WDR33: variants seen among roughly 807,000 people sequenced by gnomAD.
WDR33 encodes WD repeat domain 33.
Under a neutral mutation model 164.9 loss-of-function variants are expected in WDR33, and 47 were observed. That is an observed-to-expected ratio of 0.29 (90% CI 0.23 to 0.36). The LOEUF is 0.36. Ranked by LOEUF, WDR33 falls within the 10% of genes least tolerant of loss-of-function variation. WDR33 has a pLI of 1.00. For synonymous variants in WDR33, 505 were observed against 589.0 expected (o/e 0.86, Z 2.06); for missense variants, 1,137 against 1,754.1 (o/e 0.65, Z 6.28).
chr2:127,784,796 C>T (rs1688503887), intron 1 of WDR33, among the ~76,000 whole-genome samples: 1 of 152,168 alleles, frequency 6.6e-6, no homozygotes, highest in South Asian at 2.1e-4. Context: ...ATGCACTGAC[C>T]ATCTGGAAAA....
chr2:127,782,406 T>G (rs1688405110), intron 1 of WDR33, among the ~76,000 whole-genome samples: 1 of 152,056 alleles, frequency 6.6e-6, no homozygotes, highest in Non-Finnish European at 1.5e-5. Context: ...AATTTGCAGA[T>G]CAATTTTGAG....
rs763483141 is a variant in WDR33 at position 127,721,698 on chromosome 2, T to C, written c.1671+138A>G. ...AGGATTCTTTTGGAAACTAGTCTTC[T>C]AGCATAGCAACAGGAAATGGCGGTG... On this transcript the variant is annotated intron_variant, in intron 15 of 21. Coordinates refer to ENST00000322313, the MANE Select transcript of WDR33 (RefSeq NM_018383.5). The surrounding 1 kb of genome is among the most constrained non-coding windows in gnomAD (Gnocchi z 4.9). 282 of 874,984 alleles carry C rather than the reference T, an allele frequency of 3.2e-4. 1 individual carries two copies. The Middle Eastern group carries it at 0.011, about 36-fold the overall frequency. The allele number at this position is 874,984 out of a possible 1,614,324, so 54.2% of individuals were successfully genotyped here.
At chr2:127,779,307 C>A (rs10201641) in intron 1 of WDR33, among the ~76,000 whole-genome samples, 3,222 of 151,824 alleles carry the variant, frequency 0.021, 123 homozygotes, top group African/African-American at 0.075. Context: ...ATCTCTACTA[C>A]ATACAAAAAT....
rs184310527 is a variant in WDR33 at position 127,720,631 on chromosome 2, C to T, written c.1672-278G>A. Among the ~76,000 whole-genome samples, 13 of 151,748 alleles carry T rather than the reference C, an allele frequency of 8.6e-5. No individual in the cohort carries two copies. The highest frequency in any genetic ancestry group is 2.7e-4 in the African/African-American group (11 of 41,306). On this transcript the variant is annotated intron_variant, in intron 15 of 21. Transcript: ENST00000322313. This position sits in a 1 kb window ranked among gnomAD's most constrained non-coding sequence, Gnocchi z 5.9. ...CCAAGCTGGAATGCAGTGGTACGAT[C>T]GTGGTTCACTACAGCCTCACCCTCC... is the stretch of plus-strand genomic sequence containing the variant.
At position 127,701,943 on chromosome 2, in the gene WDR33, G is replaced by A. The variant is rs546376182; in HGVS notation, c.*4380C>T. ...GGCGTGCGGACGCCTGCTGCGCTGC[G>A]AAGAAGCGCCGTCCCGGCCCGCGCT... is the stretch of plus-strand genomic sequence containing the variant. On this transcript the variant is annotated 3_prime_UTR_variant, in exon 22 of 22. Coordinates refer to ENST00000322313, the MANE Select transcript of WDR33 (RefSeq NM_018383.5). The A allele has an allele frequency of 1.1e-4, 151 of 1,416,598 alleles. 1 individual carries two copies. The highest frequency in any genetic ancestry group is 1.2e-4 in the Non-Finnish European group (134 of 1,092,456). 87.8% of individuals were successfully genotyped at this position (1,416,598 alleles called of 1,614,324 possible).
intron 7 of WDR33, among the ~76,000 whole-genome samples, chr2:127,746,439 T>C (rs574732807): frequency 6.6e-6 from 1 of 152,364 alleles, no homozygotes; most frequent in South Asian, 2.1e-4. Flanking sequence ...TTATTTTCTT[T>C]ACTCCTATCT....
chr2:127,748,884 T>TAAAAAAAAAAAAAAA (rs59425653), intron 7 of WDR33, among the ~76,000 whole-genome samples: 1 of 105,024 alleles, frequency 9.5e-6, no homozygotes, highest in South Asian at 2.9e-4. Context: ...AGCTGAAACT[T>TAAAAAAAAAAAAAAA]AAAAAAAAAA....
rs1009951048 is a variant in WDR33, at chr2:127,741,647, G to C, written c.725-14870C>G. ...ATACAAACCACCATTCAAATCTCTG[G>C]ACAACCAAGGGTCACTGCGTTATTT... is the stretch of plus-strand genomic sequence containing the variant. On this transcript the variant is annotated intron_variant, in intron 7 of 21. Coordinates refer to ENST00000322313, the MANE Select transcript of WDR33 (RefSeq NM_018383.5). The surrounding 1 kb of genome is among the most constrained non-coding windows in gnomAD (Gnocchi z 4.1). Among the ~76,000 whole-genome samples the C allele has an allele frequency of 1.3e-5, 2 of 152,092 alleles. No individual in the cohort carries two copies. The highest frequency in any genetic ancestry group is 2.9e-5 in the Non-Finnish European group (2 of 68,020).
chr2:127,784,043 T>C (rs750094547), intron 1 of WDR33, among the ~76,000 whole-genome samples: 4 of 152,308 alleles, frequency 2.6e-5, no homozygotes, highest in African/African-American at 4.8e-5. Flanking sequence ...GATAAACTCA[T>C]TACCTTTCCT....
Position 127,738,217 on chromosome 2 carries a change from C to T in WDR33, c.725-11440G>A, listed in dbSNP as rs1047846750. ...GCTCCAACTGGATCTTAACAAACAT[C>T]TCCATTTCTGTTTCAAAGAAAAATG... On this transcript the variant is annotated intron_variant, in intron 7 of 21. Coordinates refer to ENST00000322313, the MANE Select transcript of WDR33 (RefSeq NM_018383.5). The surrounding 1 kb of genome is among the most constrained non-coding windows in gnomAD (Gnocchi z 4.4). Among the ~76,000 whole-genome samples the T allele has an allele frequency of 2.6e-5, 4 of 152,176 alleles. No individual in the cohort carries two copies. Among genetic ancestry groups the T allele is most frequent in the African/African-American group, 7.2e-5 (3 of 41,436 alleles).
rs929724719 is a variant in WDR33 at position 127,765,261 on chromosome 2, T to C, written c.387A>G (p.Pro129=). The part of the protein sequence containing the change: ...KCPVFVVRWT[P]EGRRLVTGAS... ...CTCCAGTGACCAAGCGTCTTCCTTC[T>C]GGAGTCCACTAAGGGAGAAAAAAAG... Residue 129 remains proline, a synonymous_variant, in exon 5 of 22, where the codon CCA becomes CCG. Transcript: ENST00000322313. 1.9e-6 allele frequency: 3 copies of C among 1,613,820 alleles called. No individual in the cohort carries two copies. Among genetic ancestry groups the C allele is most frequent in the Non-Finnish European group, 2.5e-6 (3 of 1,179,910 alleles).
At chr2:127,744,482 G>A (rs1292154958) in intron 7 of WDR33, among the ~76,000 whole-genome samples, 1 of 152,058 alleles carries the variant, frequency 6.6e-6, no homozygotes, top group African/African-American at 2.4e-5. Context: ...AAGAATATAC[G>A]TAGTATAATC....
At chr2:127,754,270 C>T (rs1292173746) in intron 7 of WDR33, among the ~76,000 whole-genome samples, 2 of 152,168 alleles carry the variant, frequency 1.3e-5, no homozygotes, top group African/African-American at 4.8e-5. Context: ...TGCCCTGAAA[C>T]ATAAAACTAA....
Position 127,801,611 on chromosome 2 carries a change from T to G in WDR33, c.-24+9401A>C, listed in dbSNP as rs1689247181. On this transcript the variant is annotated intron_variant, in intron 1 of 21. Coordinates refer to ENST00000322313, the MANE Select transcript of WDR33 (RefSeq NM_018383.5). ...AAACAGAATTACATTATGAGCCAGG[T>G]GCAGTGGTTCATGCCTATCTCAGGA... is the stretch of plus-strand genomic sequence containing the variant. Among the ~76,000 whole-genome samples the G allele has an allele frequency of 2.0e-5, 3 of 151,536 alleles. No homozygotes were observed. In the South Asian group the frequency reaches 6.2e-4, roughly 31 times the overall value.
In WDR33 at chr2:127,706,710, C is replaced by T. The variant is rs1317578639; in HGVS notation, c.3782-158G>A. 2.0e-5 allele frequency among the ~76,000 whole-genome samples: 3 copies of T among 152,214 alleles called. No homozygotes were observed. Among genetic ancestry groups the T allele is most frequent in the Admixed American group, 2.0e-4 (3 of 15,284 alleles). ...CAGCGTACTGAGAGGTGTGCCTCTA[C>T]CCTTTCCTGACCCTGCCTCCCCCTT... On this transcript the variant is annotated intron_variant, in intron 21 of 21. Coordinates refer to ENST00000322313, the MANE Select transcript of WDR33 (RefSeq NM_018383.5). The surrounding 1 kb of genome is among the most constrained non-coding windows in gnomAD (Gnocchi z 5.1).
At chr2:127,799,255 A>T (rs1689152228) in intron 1 of WDR33, among the ~76,000 whole-genome samples, 1 of 152,184 alleles carries the variant, frequency 6.6e-6, no homozygotes, top group Non-Finnish European at 1.5e-5. Context: ...GGACATAATC[A>T]AAATTGGAAA....
At chr2:127,796,154 C>T (rs1423560323) in intron 1 of WDR33, among the ~76,000 whole-genome samples, 3 of 151,006 alleles carry the variant, frequency 2.0e-5, no homozygotes, top group African/African-American at 7.4e-5. Context: ...TCACTGCAAC[C>T]TTGACCTCCT....
At chr2:127,768,670 T>TA (rs773014630) in intron 3 of WDR33, among the ~76,000 whole-genome samples, 23 of 152,226 alleles carry the variant, frequency 1.5e-4, no homozygotes, top group Non-Finnish European at 2.1e-4. Context: ...TACAAGACTT[T>TA]AGATTACTCA....
At chr2:127,715,595 G>C (rs536482798) in intron 17 of WDR33, among the ~76,000 whole-genome samples, 1 of 152,078 alleles carries the variant, frequency 6.6e-6, no homozygotes, top group African/African-American at 2.4e-5. Context: ...TGGTAGACAG[G>C]CTCCCTCACT....
Sources: allele counts gnomAD v4.1 joint callset (sites outside exome capture counted in the v4.1 genomes callset), GRCh38; gene constraint gnomAD v4.1.1; non-coding constraint Gnocchi (gnomAD v3.1); transcripts MANE v1.5; gene names NCBI Gene and HGNC (gene_info 2026-07-23, HGNC 2026-07-21).